RMDN2: variants seen among roughly 807,000 people sequenced by gnomAD.
RMDN2 encodes regulator of microtubule dynamics 2.
A neutral mutation model predicts 52.8 loss-of-function variants in RMDN2; 61 were observed. That is an observed-to-expected ratio of 1.16 (90% CI 0.94 to 1.43). The LOEUF (loss-of-function observed/expected upper bound fraction) is 1.43. Ranked by LOEUF, RMDN2 falls within the 40% of genes most tolerant of loss-of-function variation. The pLI, the probability that RMDN2 is intolerant of heterozygous loss-of-function variation, is 0.00. For missense variants in RMDN2, 592 were observed against 475.3 expected (o/e 1.25, Z -2.28); for synonymous variants, 180 against 153.1 (o/e 1.18, Z -1.30).
At chr2:37,970,156 C>G (rs568769531) in intron 2 of RMDN2, among the ~76,000 whole-genome samples, 5 of 152,224 alleles carry the variant, frequency 3.3e-5, no homozygotes, top group African/African-American at 1.2e-4. Flanking sequence ...TAGTTTTGGA[C>G]TCCTGGGCTC....
chr2:37,965,877 T>G (rs1289845445), intron 2 of RMDN2, among the ~76,000 whole-genome samples: 1 of 152,184 alleles, frequency 6.6e-6, no homozygotes, highest in Non-Finnish European at 1.5e-5. Flanking sequence ...AGTTTTGCTG[T>G]TTATAGAAAT....
chr2:38,033,484 G>A (rs1680358968), intron 10 of RMDN2, among the ~76,000 whole-genome samples: 1 of 152,182 alleles, frequency 6.6e-6, no homozygotes, highest in Non-Finnish European at 1.5e-5. Flanking sequence ...GAAACTCCTA[G>A]TGATACAATC....
downstream of RMDN2, among the ~76,000 whole-genome samples, chr2:38,021,651 G>A (rs987125640): frequency 2.0e-5 from 3 of 152,206 alleles, no homozygotes; most frequent in Non-Finnish European, 4.4e-5. Flanking sequence ...AAGTCAGTGA[G>A]ACCAAGAACC....
chr2:37,974,240 G>T (rs200275843), intron 3 of RMDN2, 26 bp downstream of exon 3: 3 of 1,467,290 alleles, frequency 2.0e-6, no homozygotes, highest in Non-Finnish European at 2.8e-6. Context: ...ATAGCACTTC[G>T]TATAGTTCCA....
intron 2 of RMDN2, among the ~76,000 whole-genome samples, chr2:37,932,691 AC>A (rs536400496): frequency 3.1e-4 from 30 of 95,308 alleles, no homozygotes; most frequent in Middle Eastern, 6.1e-3. Flanking sequence ...CGGGGGGCTG[AC>A]CCCCCCCACC....
At chr2:38,037,351 C>T (rs1680653054) in intron 10 of RMDN2, among the ~76,000 whole-genome samples, 1 of 152,202 alleles carries the variant, frequency 6.6e-6, no homozygotes, top group Non-Finnish European at 1.5e-5. Context: ...GCTCTTTATC[C>T]TCATACCCTG....
intron 10 of RMDN2, among the ~76,000 whole-genome samples, chr2:38,028,921 TC>T (rs1261183582): frequency 6.6e-6 from 1 of 152,040 alleles, no homozygotes; most frequent in Non-Finnish European, 1.5e-5. Context: ...CTCCTGACCA[TC>T]CCCAGAGTCA....
rs775779694 is a variant in RMDN2, at chr2:37,951,186, T to C, written c.452+21457T>C. On this transcript the variant is annotated intron_variant, in intron 2 of 10. Transcript: ENST00000354545. ...TTCAGGAGGCTTGGCAGGTCTCCAC[T>C]CTGCTCCCTATTTTTTTTCCTCATT... The C allele has an allele frequency of 2.7e-6, 4 of 1,509,062 alleles. No homozygotes were observed. In the African/African-American group the frequency reaches 5.6e-5, roughly 21 times the overall value. The allele number at this position is 1,509,062 out of a possible 1,614,324, so 93.5% of individuals were successfully genotyped here.
intron 2 of RMDN2, among the ~76,000 whole-genome samples, chr2:37,949,050 A>T (rs1342071958): frequency 1.3e-5 from 2 of 152,192 alleles, no homozygotes; most frequent in Non-Finnish European, 2.9e-5. Context: ...TGCAATGTGC[A>T]AAAGAGATCC....
chr2:38,013,440 A>G (rs1678286327), intron 10 of RMDN2, among the ~76,000 whole-genome samples: 1 of 152,334 alleles, frequency 6.6e-6, no homozygotes, highest in South Asian at 2.1e-4. Context: ...GAAACAAACC[A>G]CAAAAAGAAG....
intron 10 of RMDN2, chr2:38,027,055 T>G (rs1679832910): frequency 6.6e-6 from 1 of 152,172 alleles, no homozygotes; most frequent in Non-Finnish European, 1.5e-5. Context: ...CCAGAATATG[T>G]TCTATTTTGG....
rs185995002 is a variant in RMDN2, at chr2:37,960,157, T to A, written c.453-13883T>A. On this transcript the variant is annotated intron_variant, in intron 2 of 10. Coordinates refer to ENST00000354545, the MANE Select transcript of RMDN2 (RefSeq NM_001170791.3). The stretch of plus-strand genomic sequence containing the variant: ...GAGAGTTCTGTAGATGTCTATTAGG[T>A]CCTCTTGATCCAGAGCTGAATTCAA... Among the ~76,000 whole-genome samples the A allele has an allele frequency of 2.0e-5, 3 of 152,276 alleles. No homozygotes were observed. The East Asian group carries it at 5.8e-4, about 29-fold the overall frequency.
chr2:37,938,594 G>A (rs894342354), intron 2 of RMDN2, among the ~76,000 whole-genome samples: 1 of 152,192 alleles, frequency 6.6e-6, no homozygotes, highest in Non-Finnish European at 1.5e-5. Flanking sequence ...TCTATTCGGG[G>A]ATTTGACTTC....
intron 10 of RMDN2, among the ~76,000 whole-genome samples, chr2:38,056,565 G>A (rs1470024989): frequency 6.6e-6 from 1 of 152,166 alleles, no homozygotes; most frequent in Non-Finnish European, 1.5e-5. Flanking sequence ...TGATCTGAAT[G>A]TATATAAAAC....
chr2:37,933,741 C>T (rs1041857633), intron 2 of RMDN2, among the ~76,000 whole-genome samples: 6 of 151,982 alleles, frequency 3.9e-5, no homozygotes, highest in African/African-American at 9.7e-5. Flanking sequence ...AGCTTCGGCT[C>T]GGCATCAGAG....
chr2:37,991,291 C>G lies in RMDN2; in HGVS notation c.939C>G (p.Cys313Trp), dbSNP rs145460911. The change falls in exon 7 of 11, where the codon TGC (cysteine) becomes TGG (tryptophan). Residue 313 changes from cysteine (C) to tryptophan (W), a missense_variant. By Grantham distance (215) the Cys-to-Trp change is radical. Transcript: ENST00000354545. Reference sequence around the variant, plus strand: ...TATATTACCTCAAAGGGAGATACTGCTATACTGTAAGTTGAATGCCTTTAT... The same window carrying G: ...TATATTACCTCAAAGGGAGATACTGGTATACTGTAAGTTGAATGCCTTTAT... ...PFLYYLKGRY[C>W]YTVSKLSWIE... 1 of 1,506,478 alleles carries G rather than the reference C, an allele frequency of 6.6e-7. No individual in the cohort carries two copies. Among genetic ancestry groups the G allele is most frequent in the Non-Finnish European group, 9.0e-7 (1 of 1,109,352 alleles). The allele number at this position is 1,506,478 out of a possible 1,614,324, so 93.3% of individuals were successfully genotyped here. A position where few individuals can be genotyped will look rare whatever the true frequency, so the allele number is the denominator to read the frequency against.
intron 10 of RMDN2, among the ~76,000 whole-genome samples, chr2:38,015,759 T>G (rs1678681436): frequency 6.6e-6 from 1 of 152,092 alleles, no homozygotes; most frequent in Non-Finnish European, 1.5e-5. Context: ...GTGTAGAATA[T>G]CTACAGGAAG....
At chr2:37,959,658 G>C (rs1291339579) in intron 2 of RMDN2, among the ~76,000 whole-genome samples, 1 of 150,758 alleles carries the variant, frequency 6.6e-6, no homozygotes, top group Non-Finnish European at 1.5e-5. Context: ...CTTCAGTTCT[G>C]CTCAGATCTT....
At chr2:37,941,295 G>A (rs531042022) in intron 2 of RMDN2, among the ~76,000 whole-genome samples, 457 of 152,228 alleles carry the variant, frequency 3.0e-3, no homozygotes, top group Non-Finnish European at 5.0e-3. Flanking sequence ...CCCGCCAGAT[G>A]TCGACTGGAG....
Sources: allele counts gnomAD v4.1 joint callset (sites outside exome capture counted in the v4.1 genomes callset), GRCh38; gene constraint gnomAD v4.1.1; transcripts MANE v1.5; gene names NCBI Gene and HGNC (gene_info 2026-07-23, HGNC 2026-07-21).